SGCE: variants seen among roughly 807,000 people sequenced by gnomAD.
The protein encoded by SGCE is epsilon-sarcoglycan.
A neutral mutation model predicts 57.8 loss-of-function variants in SGCE; 26 were observed. The observed-to-expected ratio is 0.45, with a 90% CI of 0.33 to 0.62. The LOEUF is 0.62. Ranked by LOEUF, SGCE falls within the 20% of genes least tolerant of loss-of-function variation. The pLI, the probability that SGCE is intolerant of heterozygous loss-of-function variation, is 0.02. For synonymous variants in SGCE, 183 were observed against 189.5 expected, an observed-to-expected ratio of 0.97 and a Z score of 0.28; for missense variants, 468 against 548.6, an observed-to-expected ratio of 0.85 and a Z score of 1.47.
chr7:94,612,250 G>A (rs1045171442), intron 5 of SGCE, among the ~76,000 whole-genome samples: 1 of 151,974 alleles, frequency 6.6e-6, no homozygotes, highest in African/African-American at 2.4e-5. Context: ...TTCATGCTTT[G>A]AAATGTTTTT....
chr7:94,629,893 C>A, intron 1 of SGCE, 52 bp from the exon 2 acceptor site: 2 of 1,602,004 alleles, frequency 1.2e-6, no homozygotes, highest in Non-Finnish European at 1.7e-6. Context: ...ATGAGATACG[C>A]CCTTGATAAT....
At chr7:94,616,942 A>C (rs1802018852) in intron 5 of SGCE, 1 of 152,208 alleles carries the variant, frequency 6.6e-6, no homozygotes, top group South Asian at 2.1e-4. Flanking sequence ...CAAGTTGGGA[A>C]GGGATCTGAG....
chr7:94,630,343 T>C (rs1464970312), intron 1 of SGCE, among the ~76,000 whole-genome samples: 1 of 151,838 alleles, frequency 6.6e-6, no homozygotes, highest in Non-Finnish European at 1.5e-5. Flanking sequence ...TATCAATACA[T>C]GTAATGCGGT....
intron 1 of SGCE, among the ~76,000 whole-genome samples, chr7:94,649,588 G>T (rs537225632): frequency 6.6e-6 from 1 of 152,184 alleles, no homozygotes; most frequent in Admixed American, 6.5e-5. Context: ...AAGAACGCCC[G>T]TGGCATCTTC....
At chr7:94,641,445 T>C (rs564618807) in intron 1 of SGCE, among the ~76,000 whole-genome samples, 1 of 152,278 alleles carries the variant, frequency 6.6e-6, no homozygotes, top group South Asian at 2.1e-4. Context: ...TGACATATTT[T>C]GTATCTAAAT....
intron 5 of SGCE, among the ~76,000 whole-genome samples, chr7:94,606,621 C>T (rs150190704): frequency 1.3e-5 from 2 of 152,208 alleles, no homozygotes; most frequent in Non-Finnish European, 2.9e-5. Context: ...CATCATCAGT[C>T]GACAGGTTTT....
intron 1 of SGCE, among the ~76,000 whole-genome samples, chr7:94,651,666 G>A (rs1419700032): frequency 6.6e-6 from 1 of 152,174 alleles, no homozygotes. Context: ...GACTAGAAGG[G>A]ATACAACATC....
intron 5 of SGCE, among the ~76,000 whole-genome samples, chr7:94,610,678 T>G (rs945108690): frequency 6.6e-6 from 1 of 152,108 alleles, no homozygotes; most frequent in Non-Finnish European, 1.5e-5. Flanking sequence ...ATAAAAAAGT[T>G]CTGTGCTTCA....
chr7:94,638,811 A>C (rs1805973923), intron 1 of SGCE, among the ~76,000 whole-genome samples: 1 of 152,188 alleles, frequency 6.6e-6, no homozygotes, highest in Non-Finnish European at 1.5e-5. Context: ...AGAAAAATTT[A>C]GAAGGATCAA....
intron 1 of SGCE, among the ~76,000 whole-genome samples, chr7:94,651,577 A>G (rs1807875726): frequency 1.3e-5 from 2 of 152,232 alleles, no homozygotes; most frequent in South Asian, 4.1e-4. Context: ...GGATTAACTT[A>G]TCTTTCAAAA....
At chr7:94,609,167 T>C (rs780356246) in intron 5 of SGCE, among the ~76,000 whole-genome samples, 8 of 152,206 alleles carry the variant, frequency 5.3e-5, no homozygotes, top group Non-Finnish European at 1.2e-4. Flanking sequence ...GCATATCTGA[T>C]AAAGGACTGT....
intron 6 of SGCE, among the ~76,000 whole-genome samples, 185 bp downstream of exon 6, chr7:94,603,105 G>A: frequency 6.6e-6 from 1 of 152,054 alleles, no homozygotes; most frequent in Non-Finnish European, 1.5e-5. Context: ...GTACAAAAGT[G>A]GATATATTCT....
intron 1 of SGCE, 128 bp from the exon 2 acceptor site, chr7:94,629,969 A>G (rs967834906): frequency 1.1e-5 from 11 of 1,024,826 alleles, no homozygotes; most frequent in East Asian, 2.5e-5. Context: ...CTGAAGCAAC[A>G]TGCAAGGAAA....
intron 1 of SGCE, 69 bp downstream of exon 1, chr7:94,655,921 C>T: frequency 9.6e-7 from 1 of 1,046,752 alleles, no homozygotes; most frequent in African/African-American, 1.6e-5. Context: ...CGCCCGGAAC[C>T]CGAGCGGGGG....
Position 94,588,749 on chromosome 7 carries a change from T to G in SGCE, c.1254-17A>C. The G allele has an allele frequency of 1.2e-6, 2 of 1,613,278 alleles. No individual in the cohort carries two copies. The highest frequency in any genetic ancestry group is 1.7e-6 in the Non-Finnish European group (2 of 1,179,400). ...GGCAAGTTCCTAGAAATGATGAACATTTTTGAGTAAAACTGTTTGTTTACA... is the reference window on the plus strand; with the variant it reads ...GGCAAGTTCCTAGAAATGATGAACAGTTTTGAGTAAAACTGTTTGTTTACA... On this transcript the variant is annotated splice_polypyrimidine_tract_variant and intron_variant, in intron 9 of 10. Transcript: ENST00000648936.
chr7:94,626,920 A>AG (rs1803805339), intron 3 of SGCE: 1 of 152,034 alleles, frequency 6.6e-6, no homozygotes, highest in Non-Finnish European at 1.5e-5. Context: ...ATTTTAATAA[A>AG]CACTTTTTCC....
At chr7:94,623,817 C>T in intron 3 of SGCE, 1 of 368,582 alleles carries the variant, frequency 2.7e-6, no homozygotes, top group Admixed American at 4.5e-5. Flanking sequence ...ACAAGCATAT[C>T]TTTGTGTTTT....
At chr7:94,598,452 T>C (rs538219402) in intron 9 of SGCE, 1 of 278,162 alleles carries the variant, frequency 3.6e-6, no homozygotes, top group Admixed American at 4.9e-5. Flanking sequence ...CAATTTGAAA[T>C]GCTTAGGATA....
chr7:94,640,671 G>A (rs1227231028), intron 1 of SGCE, among the ~76,000 whole-genome samples: 4 of 151,646 alleles, frequency 2.6e-5, no homozygotes, highest in Non-Finnish European at 5.9e-5. Context: ...TTTTTGAGAT[G>A]GAGTCTCACT....
Sources: gnomAD v4.1 joint callset for allele counts (sites outside exome capture counted in the v4.1 genomes callset) on GRCh38, gnomAD v4.1.1 for gene constraint, MANE v1.5 for transcripts, NCBI Gene and HGNC (gene_info 2026-07-23, HGNC 2026-07-21) for gene names.